The following MICU2 variants were observed in gnomAD, a reference collection of about 807,000 sequenced individuals.
The protein encoded by MICU2 is mitochondrial calcium uptake 2.
In MICU2, 64 loss-of-function variants were observed where a neutral mutation model predicts 60.4. The ratio of observed to expected loss-of-function variants is 1.06; its 90% CI spans 0.87 to 1.31. MICU2 has a LOEUF of 1.31. MICU2 is among the 50% of genes most tolerant of loss of function. The probability of loss-of-function intolerance (pLI) is 0.00; values close to 1 mark genes in which losing one functional copy is unlikely to be tolerated. For missense variants in MICU2, 569 were observed against 531.0 expected (o/e 1.07, Z -0.70); for synonymous variants, 201 against 175.0 (o/e 1.15, Z -1.17).
chr13:21,583,476 G>A (rs1888394089), intron 1 of MICU2, among the ~76,000 whole-genome samples: 1 of 152,012 alleles, frequency 6.6e-6, no homozygotes, highest in Non-Finnish European at 1.5e-5. Flanking sequence ...TCTTACACTT[G>A]GTATGTCTGA....
At position 21,493,202 on chromosome 13, in the gene MICU2, A is replaced by G; in HGVS notation, c.*47T>C. The G allele has an allele frequency of 7.4e-7, 1 of 1,347,398 alleles. No homozygotes were observed. The highest frequency in any genetic ancestry group is 2.4e-5 in the East Asian group (1 of 42,068). The allele number at this position is 1,347,398 out of a possible 1,614,324, so 83.5% of individuals were successfully genotyped here. On this transcript the variant is annotated 3_prime_UTR_variant, in exon 12 of 12. Coordinates refer to ENST00000382374, the MANE Select transcript of MICU2 (RefSeq NM_152726.3). ...AGCAAGTACTTCTAAAAAATCACAA[A>G]TTTTGACATTTGGAACAATATAATT...
chr13:21,559,534 T>C (rs1390811551), intron 2 of MICU2, among the ~76,000 whole-genome samples: 2 of 151,846 alleles, frequency 1.3e-5, no homozygotes, highest in Middle Eastern at 3.4e-3. Context: ...CTTTTCTTTT[T>C]TTTTTTTTGA....
rs537429708 is a variant in MICU2 at position 21,561,286 on chromosome 13, T to A, written c.358+5511A>T. On this transcript the variant is annotated intron_variant, in intron 2 of 11. Coordinates refer to ENST00000382374, the MANE Select transcript of MICU2 (RefSeq NM_152726.3). ...TATTCTGCTATCGTTAGGTGAAATA[T>A]CCTATAAGTGGCAATTAGATCCAGT... 3.2e-4 allele frequency among the ~76,000 whole-genome samples: 48 copies of A among 152,320 alleles called. 1 individual carries two copies. The highest frequency in any genetic ancestry group is 2.1e-4 in the Non-Finnish European group (14 of 68,034).
chr13:21,575,137 T>C (rs1054207028), intron 1 of MICU2, among the ~76,000 whole-genome samples: 2 of 151,572 alleles, frequency 1.3e-5, no homozygotes, highest in Admixed American at 1.3e-4. Context: ...ATGAGGATGG[T>C]AAAATGAAAT....
intron 4 of MICU2, among the ~76,000 whole-genome samples, chr13:21,534,781 C>T (rs1217991326): frequency 6.6e-6 from 1 of 152,214 alleles, no homozygotes; most frequent in African/African-American, 2.4e-5. Flanking sequence ...TATTTTTCCA[C>T]TTTGAGATTA....
At chr13:21,539,518 G>A in intron 3 of MICU2, 139 bp downstream of exon 3, 1 of 1,308,730 alleles carries the variant, frequency 7.6e-7, no homozygotes, top group Non-Finnish European at 1.1e-6. Flanking sequence ...AGCCAGGATG[G>A]TGATCTCCTG....
chr13:21,579,285 A>ACAGATATG (rs1888293008), intron 1 of MICU2, among the ~76,000 whole-genome samples: 1 of 151,960 alleles, frequency 6.6e-6, no homozygotes, highest in Admixed American at 6.6e-5. Context: ...ATAAAGTAAT[A>ACAGATATG]CAGATATGAT....
chr13:21,514,681 C>T (rs1024477161), intron 6 of MICU2, among the ~76,000 whole-genome samples: 4 of 150,848 alleles, frequency 2.7e-5, no homozygotes, highest in East Asian at 2.0e-4. Context: ...TACAGGCGCC[C>T]GCCACCACTC....
rs964026353 is a variant in MICU2 at position 21,604,117 on chromosome 13, AC to A, written c.31del (p.Val11TrpfsTer67). 3 of 1,576,750 alleles carry A rather than the reference AC, an allele frequency of 1.9e-6. No individual in the cohort carries two copies. The highest frequency in any genetic ancestry group is 4.5e-4 in the Middle Eastern group (2 of 4,416). MAAAAGSCARVAAWGGKLRRG... is the reference protein window; with the variant it reads MAAAAGSCARXAAWGGKLRRG... ...TCGCAGTTTTCCGCCCCAGGCCGCC[AC>A]CCGCGCGCAGCTACCCGCAGCCGCC... On this transcript the variant is annotated frameshift_variant, in exon 1 of 12. Transcript: ENST00000382374. LOFTEE classifies it high-confidence loss of function.
Position 21,568,844 on chromosome 13 carries a change from G to GTTT in MICU2, c.211-1903_211-1901dup, listed in dbSNP as rs11370071. Among the ~76,000 whole-genome samples, 40 of 150,420 alleles carry GTTT rather than the reference G, an allele frequency of 2.7e-4. No individual in the cohort carries two copies. The Middle Eastern group carries it at 0.01, about 39-fold the overall frequency. On this transcript the variant is annotated intron_variant, in intron 1 of 11. Transcript: ENST00000382374. ...TGAAAACTATTTTCAAAGAAATTCT[G>GTTT]TTTTTTTTTTCTTCTAGGAGGTTTA...
At chr13:21,521,496 T>C (rs1324123038) in intron 5 of MICU2, among the ~76,000 whole-genome samples, 169 bp from the exon 6 acceptor site, 1 of 152,180 alleles carries the variant, frequency 6.6e-6, no homozygotes, top group Non-Finnish European at 1.5e-5. Context: ...TTTGGTGTTA[T>C]GGCTTTGTTC....
chr13:21,597,902 GC>G (rs1888729065), intron 1 of MICU2, among the ~76,000 whole-genome samples: 1 of 125,496 alleles, frequency 8.0e-6, no homozygotes, highest in South Asian at 2.7e-4. Context: ...CTGCACTCCA[GC>G]CTGGGCAACA....
intron 9 of MICU2, among the ~76,000 whole-genome samples, chr13:21,500,228 A>G (rs769931802): frequency 6.6e-6 from 1 of 152,102 alleles, no homozygotes; most frequent in Non-Finnish European, 1.5e-5. Context: ...TACGATAATA[A>G]AATTCTTTGT....
intron 2 of MICU2, among the ~76,000 whole-genome samples, chr13:21,548,818 T>G (rs1036035046): frequency 2.0e-5 from 3 of 151,060 alleles, no homozygotes; most frequent in African/African-American, 7.3e-5. Context: ...GAGAGGGAGG[T>G]AGATAGAAGG....
chr13:21,580,768 TTATGGGTA>T (rs1447659326), intron 1 of MICU2, among the ~76,000 whole-genome samples: 1 of 152,106 alleles, frequency 6.6e-6, no homozygotes, highest in African/African-American at 2.4e-5. Context: ...ATTCCTGAAA[TTATGGGTA>T]TACTCCTTAG....
intron 4 of MICU2, among the ~76,000 whole-genome samples, chr13:21,527,890 G>A (rs941663084): frequency 6.6e-6 from 1 of 152,134 alleles, no homozygotes; most frequent in Non-Finnish European, 1.5e-5. Flanking sequence ...TCACACTTAA[G>A]ATGAATAAAT....
rs190037705 is a variant in MICU2, at chr13:21,531,307, C to T, written c.466+7995G>A. ...AAACACAGCACAGAAAATGACTCAC[C>T]AACAAATGTACAGCAATAACACCAA... is the stretch of plus-strand genomic sequence containing the variant. On this transcript the variant is annotated intron_variant, in intron 4 of 11. Transcript: ENST00000382374. 109 of 1,570,992 alleles carry T rather than the reference C, an allele frequency of 6.9e-5. No individual in the cohort carries two copies. The Middle Eastern group carries it at 2.5e-3, about 36-fold the overall frequency.
intron 9 of MICU2, 90 bp from the exon 10 acceptor site, chr13:21,496,250 G>T (rs909527531): frequency 4.8e-5 from 44 of 909,340 alleles, no homozygotes; most frequent in Non-Finnish European, 7.4e-5. Context: ...CTACCGTAGA[G>T]ACTAGTATCA....
intron 2 of MICU2, among the ~76,000 whole-genome samples, chr13:21,554,274 A>T (rs1887648310): frequency 1.3e-5 from 2 of 152,222 alleles, no homozygotes; most frequent in African/African-American, 2.4e-5. Flanking sequence ...TTGACCACAC[A>T]GTTGGAAGTA....
Sources: gnomAD v4.1 joint callset for allele counts (sites outside exome capture counted in the v4.1 genomes callset) on GRCh38, gnomAD v4.1.1 for gene constraint, MANE v1.5 for transcripts, NCBI Gene and HGNC (gene_info 2026-07-23, HGNC 2026-07-21) for gene names.